Variants in EPAS1 observed in about 807,000 individuals in gnomAD.
EPAS1 encodes the protein endothelial PAS domain protein 1.
Under a neutral mutation model 87.9 loss-of-function variants are expected in EPAS1, and 23 were observed. That is an observed-to-expected ratio of 0.26 (90% confidence interval 0.19 to 0.37). EPAS1 has a LOEUF of 0.37. Among genes scored for constraint, EPAS1 ranks in the 10% least tolerant of loss-of-function variants. The probability of loss-of-function intolerance (pLI) is 1.00; values close to 1 mark genes in which losing one functional copy is unlikely to be tolerated. For missense variants in EPAS1, 1,138 were observed against 1,120.7 expected, an observed-to-expected ratio of 1.02 and a Z score of -0.22; for synonymous variants, 508 against 444.3, an observed-to-expected ratio of 1.14 and a Z score of -1.80.
intron 1 of EPAS1, among the ~76,000 whole-genome samples, chr2:46,308,651 A>T (rs970052759): frequency 6.6e-6 from 1 of 152,226 alleles, no homozygotes; most frequent in Admixed American, 6.5e-5. Flanking sequence ...GGGGGACCAC[A>T]GTCAGGTCTT....
intron 1 of EPAS1, among the ~76,000 whole-genome samples, chr2:46,343,394 C>T (rs1206274282): frequency 1.3e-5 from 2 of 152,240 alleles, no homozygotes; most frequent in African/African-American, 4.8e-5. Flanking sequence ...AGTATCAACA[C>T]AGCACAGGGA....
rs112957012 is a variant in EPAS1 at position 46,307,763 on chromosome 2, C to T, written c.26+9826C>T. Among the ~76,000 whole-genome samples the T allele has an allele frequency of 3.0e-4, 45 of 152,196 alleles. 1 individual carries two copies. Among genetic ancestry groups the T allele is most frequent in the African/African-American group, 4.8e-5 (2 of 41,442 alleles). On this transcript the variant is annotated intron_variant, in intron 1 of 15. Coordinates refer to ENST00000263734, the MANE Select transcript of EPAS1 (RefSeq NM_001430.5). ...TGGAAGGCACCCTGGCTGCTGAGAT[C>T]GCTTTCCTGGTCCCCCAGAAGAGGT...
intron 15 of EPAS1, among the ~76,000 whole-genome samples, chr2:46,382,930 G>C (rs1193127145): frequency 2.0e-5 from 3 of 152,188 alleles, no homozygotes; most frequent in African/African-American, 7.2e-5. Context: ...CCAGAACACT[G>C]TACCACTGTT....
At chr2:46,302,584 G>A (rs1025786657) in intron 1 of EPAS1, among the ~76,000 whole-genome samples, 1 of 151,854 alleles carries the variant, frequency 6.6e-6, no homozygotes, top group African/African-American at 2.4e-5. Context: ...TTCACATGAT[G>A]GACACCAGCT....
intron 3 of EPAS1, 112 bp downstream of exon 3, chr2:46,356,414 G>T: frequency 6.5e-6 from 9 of 1,394,996 alleles, no homozygotes; most frequent in Non-Finnish European, 9.0e-6. Context: ...AAATGCCCAC[G>T]GTGACCCTCG....
In EPAS1 at chr2:46,375,650, C is replaced by T. The variant is rs1192941939; in HGVS notation, c.887-40C>T. ...GCTGAGCCTGTGGTGCACACCCCTG[C>T]CCCACCTCCCTAAGCTCAGCTCTGT... On this transcript the variant is annotated intron_variant, in intron 7 of 15. Transcript: ENST00000263734. The surrounding 1 kb of genome is among the most constrained non-coding windows in gnomAD (Gnocchi z 4.1). 1.2e-6 allele frequency: 2 copies of T among 1,606,288 alleles called. No individual in the cohort carries two copies.
intron 1 of EPAS1, among the ~76,000 whole-genome samples, chr2:46,308,502 AAT>A (rs199716487): frequency 1.4e-5 from 2 of 147,944 alleles, no homozygotes; most frequent in African/African-American, 5.3e-5. Flanking sequence ...TTTTAAAAAA[AAT>A]AATAGAATTG....
chr2:46,297,838 G>C lies in EPAS1; in HGVS notation c.-74G>C. The C allele has an allele frequency of 1.3e-6, 2 of 1,573,070 alleles. No individual in the cohort carries two copies. The highest frequency in any genetic ancestry group is 1.7e-6 in the Non-Finnish European group (2 of 1,159,652). ...CCCGCCCGGGCCGCGGGGAGCGGAC[G>C]AGGGCCACAGCCCCCCACCCGCCAG... is the stretch of plus-strand genomic sequence containing the variant. On this transcript the variant is annotated 5_prime_UTR_variant, in exon 1 of 16. Coordinates refer to ENST00000263734, the MANE Select transcript of EPAS1 (RefSeq NM_001430.5).
intron 1 of EPAS1, among the ~76,000 whole-genome samples, chr2:46,324,395 C>T (rs1473763085): frequency 6.6e-6 from 1 of 152,152 alleles, no homozygotes; most frequent in Admixed American, 6.5e-5. Context: ...GAATTGCACA[C>T]CCCACAGTTC....
chr2:46,365,984 A>G (rs1345104624), intron 6 of EPAS1, among the ~76,000 whole-genome samples: 4 of 152,268 alleles, frequency 2.6e-5, no homozygotes, highest in Non-Finnish European at 4.4e-5. Flanking sequence ...CCTCTTAAAC[A>G]GTTTAAATAC....
intron 1 of EPAS1, among the ~76,000 whole-genome samples, chr2:46,313,195 C>G (rs531490152): frequency 1.3e-5 from 2 of 152,322 alleles, no homozygotes; most frequent in Admixed American, 1.3e-4. Flanking sequence ...GTGCTACATA[C>G]TGACCATGAG....
At chr2:46,337,547 G>C (rs1050826846) in intron 1 of EPAS1, among the ~76,000 whole-genome samples, 1 of 152,158 alleles carries the variant, frequency 6.6e-6, no homozygotes, top group Non-Finnish European at 1.5e-5. Flanking sequence ...TTTTCTTCTT[G>C]ATTCAACCGC....
intron 7 of EPAS1, among the ~76,000 whole-genome samples, chr2:46,373,918 C>T (rs1467689416): frequency 6.6e-6 from 1 of 152,208 alleles, no homozygotes; most frequent in East Asian, 1.9e-4. Context: ...GCCTCAGTTT[C>T]TTCAGCTGTA....
intron 1 of EPAS1, among the ~76,000 whole-genome samples, chr2:46,327,494 C>T (rs1683587140): frequency 6.6e-6 from 1 of 152,160 alleles, no homozygotes; most frequent in African/African-American, 2.4e-5. Context: ...GGAGCTCAGA[C>T]TTGTTTACAA....
Position 46,380,515 on chromosome 2 carries a change from G to A in EPAS1, c.1843G>A (p.Ala615Thr), listed in dbSNP as rs2103673174. 3 of 1,614,168 alleles carry A rather than the reference G, an allele frequency of 1.9e-6. No individual in the cohort carries two copies. Among genetic ancestry groups the A allele is most frequent in the South Asian group, 1.1e-5 (1 of 91,078 alleles). Residue 615 changes from alanine to threonine, a missense_variant, in exon 12 of 16, where the codon GCA becomes ACA. Transcript: ENST00000263734. This position sits in a 1 kb window ranked among gnomAD's most constrained non-coding sequence, Gnocchi z 4.4. Reference protein sequence around the residue: ...SSIFFDAGSKASLPPCCGQAS... With the variant: ...SSIFFDAGSKTSLPPCCGQAS... ...CATCTTCTTTGATGCCGGAAGCAAA[G>A]CATCCCTGCCACCGTGCTGTGGCCA...
At chr2:46,319,733 A>AT (rs1302291096) in intron 1 of EPAS1, among the ~76,000 whole-genome samples, 1 of 152,070 alleles carries the variant, frequency 6.6e-6, no homozygotes, top group Non-Finnish European at 1.5e-5. Flanking sequence ...ATTTTCTTTG[A>AT]TTCATTTTTA....
intron 1 of EPAS1, among the ~76,000 whole-genome samples, chr2:46,312,798 T>G (rs1020965265): frequency 1.4e-4 from 21 of 152,222 alleles, no homozygotes; most frequent in Non-Finnish European, 2.6e-4. Context: ...CCAAGGACAC[T>G]TCCAGGATTC....
intron 1 of EPAS1, among the ~76,000 whole-genome samples, chr2:46,315,593 C>G (rs1365724074): frequency 6.6e-6 from 1 of 152,254 alleles, no homozygotes; most frequent in Non-Finnish European, 1.5e-5. Flanking sequence ...TTCACACAGA[C>G]TCCTTGCCAG....
At chr2:46,367,102 T>C (rs774798638) in intron 6 of EPAS1, among the ~76,000 whole-genome samples, 1 of 152,278 alleles carries the variant, frequency 6.6e-6, no homozygotes, top group Non-Finnish European at 1.5e-5. Context: ...ACTGGGAAGA[T>C]ATCTGGCAGT....
Sources: gnomAD v4.1 joint callset for allele counts (sites outside exome capture counted in the v4.1 genomes callset) on GRCh38, gnomAD v4.1.1 for gene constraint, Gnocchi (gnomAD v3.1) non-coding constraint, MANE v1.5 for transcripts, NCBI Gene and HGNC (gene_info 2026-07-23, HGNC 2026-07-21) for gene names.